CELF3: variants seen among roughly 807,000 people sequenced by gnomAD.
The protein encoded by CELF3 is CUGBP Elav-like family member 3, also known as CAG repeat domain.
In CELF3, 26 loss-of-function variants were observed where a neutral mutation model predicts 59.6. The observed-to-expected ratio is 0.44, with a 90% CI of 0.32 to 0.61. The LOEUF is 0.61. Ranked by LOEUF, CELF3 falls within the 20% of genes least tolerant of loss-of-function variation. The pLI, the probability that CELF3 is intolerant of heterozygous loss-of-function variation, is 0.06. For synonymous variants in CELF3, 245 were observed against 250.7 expected, an observed-to-expected ratio of 0.98 and a Z score of 0.22; for missense variants, 387 against 627.2, an observed-to-expected ratio of 0.62 and a Z score of 4.09.
chr1:151,716,749 G>A lies in CELF3; in HGVS notation c.-729C>T, dbSNP rs764031917. On this transcript the variant is annotated 5_prime_UTR_variant, in exon 1 of 13. Coordinates refer to ENST00000290583, the MANE Select transcript of CELF3 (RefSeq NM_007185.7). ...CGCCGCTGGGGCTGCCTGCTTTCCC[G>A]GTCACCTGGGTCCCGGAGCTCTGCT... 1 of 444,360 alleles carries A rather than the reference G, an allele frequency of 2.3e-6. No homozygotes were observed. Among genetic ancestry groups the A allele is most frequent in the African/African-American group, 2.3e-5 (1 of 43,178 alleles). The allele number at this position is 444,360 out of a possible 1,614,324, so 27.5% of individuals were successfully genotyped here. A position where few individuals can be genotyped will look rare whatever the true frequency, so the allele number is the denominator to read the frequency against.
At position 151,706,715 on chromosome 1, in the gene CELF3, G is replaced by A. The variant is rs1241223524; in HGVS notation, c.942C>T (p.Pro314=). 5.2e-6 allele frequency: 8 copies of A among 1,550,354 alleles called. No individual in the cohort carries two copies. Among genetic ancestry groups the A allele is most frequent in the African/African-American group, 4.1e-5 (3 of 73,036 alleles). The stretch of plus-strand genomic sequence containing the variant: ...CGTAGGCCTGCTGCAGGGGGTCCAC[G>A]GGGGCCGCGGGGCTCTGGGCTGGGG... The part of the protein sequence containing the change: ...HPYPAQSPAA[P]VDPLQQAYAG... Residue 314 remains proline, a synonymous_variant, in exon 9 of 13, where the codon CCC becomes CCT. Coordinates refer to ENST00000290583, the MANE Select transcript of CELF3 (RefSeq NM_007185.7).
At position 151,705,677 on chromosome 1, in the gene CELF3, T is replaced by C. The variant is rs577551295; in HGVS notation, c.1270+145A>G. ...GAGGCAGCAGCTGGGTGTGGCATGTTGGGTGTGTCAAAATGGCTCTTTTGT... is the reference window on the plus strand; with the variant it reads ...GAGGCAGCAGCTGGGTGTGGCATGTCGGGTGTGTCAAAATGGCTCTTTTGT... On this transcript the variant is annotated intron_variant, in intron 11 of 12. Transcript: ENST00000290583. This position sits in a 1 kb window ranked among gnomAD's most constrained non-coding sequence, Gnocchi z 5.1. The C allele has an allele frequency of 2.3e-6, 2 of 857,084 alleles. No homozygotes were observed. Among genetic ancestry groups the C allele is most frequent in the African/African-American group, 3.4e-5 (2 of 59,452 alleles). The allele number at this position is 857,084 out of a possible 1,614,324, so 53.1% of individuals were successfully genotyped here. A position where few individuals can be genotyped will look rare whatever the true frequency, so the allele number is the denominator to read the frequency against.
At chr1:151,712,885 C>CTGCACACACATGCGTGTGCA (rs938009074) in intron 2 of CELF3, among the ~76,000 whole-genome samples, 15 of 152,162 alleles carry the variant, frequency 9.9e-5, no homozygotes, top group East Asian at 1.9e-4. Flanking sequence ...AGCTGACACA[C>CTGCACACACATGCGTGTGCA]TGCACACACA....
At position 151,715,909 on chromosome 1, in the gene CELF3, C is replaced by G; in HGVS notation, c.112G>C (p.Val38Leu). Residue 38 changes from valine (V) to leucine (L), a missense_variant, in exon 1 of 13, where the codon GTC becomes CTC. Val to Leu is a conservative substitution (Grantham distance 32, BLOSUM62 1). This residue lies in a region of CELF3 where 208 missense variants were observed against 354.8 expected (regional missense o/e 0.59). Transcript: ENST00000290583. ...EQFGRIFELT[V>L]IKDKYTGLHK... ...AGCCCGGTGTACTTGTCCTTGATGA[C>G]AGTCAGCTCAAAGATCCGACCAAAC... The G allele has an allele frequency of 6.2e-7, 1 of 1,614,106 alleles. No individual in the cohort carries two copies. The highest frequency in any genetic ancestry group is 8.5e-7 in the Non-Finnish European group (1 of 1,179,982).
intron 2 of CELF3, 66 bp downstream of exon 2, chr1:151,714,528 T>A: frequency 8.7e-7 from 1 of 1,144,284 alleles, no homozygotes; most frequent in South Asian, 1.3e-5. Flanking sequence ...GTCAGGAGGG[T>A]GGTGAGCCTC....
Position 151,709,190 on chromosome 1 carries a change from C to G in CELF3, c.406+30G>C, listed in dbSNP as rs369075027. Reference sequence around the variant, plus strand: ...GGGTGGAACAGGAAGGGGAAGGGCCCGGTGGGGAAGGGGGAAGTGGGTGGA... The same window carrying G: ...GGGTGGAACAGGAAGGGGAAGGGCCGGGTGGGGAAGGGGGAAGTGGGTGGA... On this transcript the variant is annotated intron_variant, in intron 4 of 12. Coordinates refer to ENST00000290583, the MANE Select transcript of CELF3 (RefSeq NM_007185.7). The surrounding 1 kb of genome is among the most constrained non-coding windows in gnomAD (Gnocchi z 4.9). 1 of 1,610,684 alleles carries G rather than the reference C, an allele frequency of 6.2e-7. No homozygotes were observed. The highest frequency in any genetic ancestry group is 8.5e-7 in the Non-Finnish European group (1 of 1,177,442).
rs1452250570 is a variant in CELF3, at chr1:151,709,310, G to C, written c.316C>G (p.Gln106Glu). 1.2e-6 allele frequency: 2 copies of C among 1,613,976 alleles called. No homozygotes were observed. The highest frequency in any genetic ancestry group is 1.3e-5 in the African/African-American group (1 of 74,912). Residue 106 changes from glutamine (Q) to glutamate (E), a missense_variant, in exon 4 of 13, where the codon CAG becomes GAG. Physicochemically the swap from Gln to Glu is conservative, Grantham distance 29. Coordinates refer to ENST00000290583, the MANE Select transcript of CELF3 (RefSeq NM_007185.7). The surrounding 1 kb of genome is among the most constrained non-coding windows in gnomAD (Gnocchi z 4.9). Reference protein sequence around the residue: ...KLFVGMLGKQQTDEDVRKMFE... With the variant: ...KLFVGMLGKQETDEDVRKMFE... The stretch of plus-strand genomic sequence containing the variant: ...ATCTTCCGGACGTCCTCATCTGTCT[G>C]CTGCTTCCCTAGCATCCCCACAAAG...
chr1:151,706,990 G>A (rs748640516), intron 8 of CELF3, among the ~76,000 whole-genome samples, 155 bp downstream of exon 8: 4 of 152,338 alleles, frequency 2.6e-5, no homozygotes, highest in Admixed American at 2.0e-4. Context: ...CTTCCTGGCC[G>A]AGCCCAACAG....
rs1224403878 is a variant in CELF3, at chr1:151,708,323, C to A, written c.487-388G>T. The A allele has an allele frequency of 1.8e-5, 4 of 218,650 alleles. No individual in the cohort carries two copies. In the Admixed American group the frequency reaches 2.0e-4, roughly 11 times the overall value. 13.5% of individuals were successfully genotyped at this position (218,650 alleles called of 1,614,324 possible). On this transcript the variant is annotated intron_variant, in intron 5 of 12. Transcript: ENST00000290583. ...CTGCGTGCCTTACCACGACTCCTGC[C>A]CCCACACCCCAGTCCTCATGGTGTG...
rs1272284572 is a variant in CELF3, at chr1:151,714,655, C to T, written c.167G>A (p.Cys56Tyr). 1.3e-6 allele frequency: 2 copies of T among 1,560,708 alleles called. No individual in the cohort carries two copies. The highest frequency in any genetic ancestry group is 1.7e-6 in the Non-Finnish European group (2 of 1,152,098). ...LHKGCAFLTY[C>Y]ARDSALKAQS... ...GGCCTTCAGGGCTGAATCCCGGGCA[C>T]AGTATGTCAGGAAGGCACATCCTGA... The change falls in exon 2 of 13, where the codon TGT (cysteine) becomes TAT (tyrosine). Residue 56 changes from cysteine (C) to tyrosine (Y), a missense_variant. Physicochemically the swap from Cys to Tyr is radical, Grantham distance 194. This residue lies in a region of CELF3 where 208 missense variants were observed against 354.8 expected (regional missense o/e 0.59). Coordinates refer to ENST00000290583, the MANE Select transcript of CELF3 (RefSeq NM_007185.7).
At position 151,709,335 on chromosome 1, in the gene CELF3, G is replaced by A. The variant is rs762946347; in HGVS notation, c.291C>T (p.Leu97=). The A allele has an allele frequency of 6.8e-6, 11 of 1,613,944 alleles. No homozygotes were observed. The highest frequency in any genetic ancestry group is 6.8e-6 in the Non-Finnish European group (8 of 1,179,964). Residue 97 remains leucine (L), a synonymous_variant, in exon 4 of 13, where the codon CTC becomes CTT. Transcript: ENST00000290583. This position sits in a 1 kb window ranked among gnomAD's most constrained non-coding sequence, Gnocchi z 4.9. The part of the protein sequence containing the change: ...DSESRGEDRK[L]FVGMLGKQQT... The stretch of plus-strand genomic sequence containing the variant: ...GCTGCTTCCCTAGCATCCCCACAAA[G>A]AGCTTCCGGTCTTCTGGGTGGTAGG...
intron 2 of CELF3, among the ~76,000 whole-genome samples, chr1:151,711,649 T>C (rs1299134745): frequency 6.6e-6 from 1 of 152,190 alleles, no homozygotes; most frequent in Non-Finnish European, 1.5e-5. Flanking sequence ...TCAGGGTGCA[T>C]GGGCTTTCAC....
Position 151,716,145 on chromosome 1 carries a change from C to A in CELF3, c.-125G>T. ...AGCTGGGGCTGGCTTTCCCTTTGGC[C>A]CCCAACCACGCTGCTAAGCAGAGGG... is the stretch of plus-strand genomic sequence containing the variant. On this transcript the variant is annotated 5_prime_UTR_variant, in exon 1 of 13. Coordinates refer to ENST00000290583, the MANE Select transcript of CELF3 (RefSeq NM_007185.7). 1.0e-6 allele frequency: 1 copy of A among 974,496 alleles called. No homozygotes were observed. The highest frequency in any genetic ancestry group is 1.5e-6 in the Non-Finnish European group (1 of 676,526). The allele number at this position is 974,496 out of a possible 1,614,324, so 60.4% of individuals were successfully genotyped here.
chr1:151,710,078 G>A, intron 2 of CELF3: 1 of 460,964 alleles, frequency 2.2e-6, no homozygotes, highest in Non-Finnish European at 4.0e-6. Context: ...AGTGGGAGAA[G>A]GGGGCCTGCA....
rs772641877 is a variant in CELF3, at chr1:151,707,681, C to A, written c.631-33G>T. 2.5e-6 allele frequency: 4 copies of A among 1,598,658 alleles called. No homozygotes were observed. In the South Asian group the frequency reaches 4.5e-5, roughly 18 times the overall value. On this transcript the variant is annotated intron_variant, in intron 6 of 12. Transcript: ENST00000290583. ...GAGGGGAGAGGAGAGTGGGGCAGGC[C>A]CCCTGTGCCCAAGCCTGGCTCCCTC...
chr1:151,707,992 A>G, intron 5 of CELF3, 57 bp from the exon 6 acceptor site: 2 of 1,551,310 alleles, frequency 1.3e-6, no homozygotes, highest in Non-Finnish European at 1.7e-6. Flanking sequence ...CTCCTCCCCA[A>G]AGCCCTCAGG....
intron 2 of CELF3, chr1:151,710,686 C>T (rs758852397): frequency 2.8e-5 from 13 of 456,280 alleles, no homozygotes; most frequent in South Asian, 1.7e-4. Flanking sequence ...CGTGCTCCTT[C>T]GCAATTTACC....
chr1:151,704,711 C>T (rs1672363016), intron 12 of CELF3, among the ~76,000 whole-genome samples: 1 of 152,156 alleles, frequency 6.6e-6, no homozygotes, highest in African/African-American at 2.4e-5. Flanking sequence ...CACACACAGA[C>T]ATGGACACTG....
At chr1:151,714,777 C>T in intron 1 of CELF3, 101 bp from the exon 2 acceptor site, 2 of 843,958 alleles carry the variant, frequency 2.4e-6, no homozygotes, top group Non-Finnish European at 3.8e-6. Context: ...GGAAGCTTTC[C>T]CTTCTTGTCA....
Sources: allele counts gnomAD v4.1 joint callset (sites outside exome capture counted in the v4.1 genomes callset), GRCh38; gene constraint gnomAD v4.1.1; regional missense constraint gnomAD v4.1.1; non-coding constraint Gnocchi (gnomAD v3.1); transcripts MANE v1.5; gene names NCBI Gene and HGNC (gene_info 2026-07-23, HGNC 2026-07-21).